Variants in GPHN observed in about 807,000 individuals in gnomAD.
GPHN encodes the protein gephyrin.
Under a neutral mutation model 95.5 loss-of-function variants are expected in GPHN, and 17 were observed. The observed-to-expected ratio is 0.18, with a 90% CI of 0.12 to 0.27. The LOEUF is 0.27. Among genes scored for constraint, GPHN ranks in the 10% least tolerant of loss-of-function variants. GPHN has a pLI of 1.00. For synonymous variants in GPHN, 320 were observed against 322.5 expected (o/e 0.99, Z 0.08); for missense variants, 660 against 978.1 (o/e 0.67, Z 4.34).
At chr14:67,704,284 C>G in the GPHN span, among the ~76,000 whole-genome samples, 4 of 152,148 alleles carry the variant, frequency 2.6e-5, no homozygotes, top group African/African-American at 9.7e-5. Context: ...AAGGAGAAAG[C>G]CTCCTAAATC....
the GPHN span, among the ~76,000 whole-genome samples, chr14:67,427,073 G>A: frequency 1.1e-4 from 16 of 151,846 alleles, no homozygotes; most frequent in African/African-American, 2.2e-4. Context: ...ATTGTGTCGC[G>A]CGGGGGAGGG....
At chr14:66,989,368 A>G (rs2071245380) in intron 9 of GPHN, among the ~76,000 whole-genome samples, 1 of 152,056 alleles carries the variant, frequency 6.6e-6, no homozygotes, top group Non-Finnish European at 1.5e-5. Flanking sequence ...ATCAGTCATG[A>G]GAAGTAATTT....
chr14:67,473,662 C>A, the GPHN span: 1 of 1,580,422 alleles, frequency 6.3e-7, no homozygotes, highest in Non-Finnish European at 8.6e-7. This position sits in a 1 kb window ranked among gnomAD's most constrained non-coding sequence, Gnocchi z 6.5. Context: ...GTGGTGAACT[C>A]CCACAGGTAG....
chr14:67,121,036 T>A (rs957335305), intron 16 of GPHN, among the ~76,000 whole-genome samples: 2 of 152,208 alleles, frequency 1.3e-5, no homozygotes, highest in African/African-American at 2.4e-5. Context: ...GGTTATTGTC[T>A]GGGAGAATTC....
intron 9 of GPHN, among the ~76,000 whole-genome samples, chr14:66,982,977 A>T (rs1189245501): frequency 6.6e-6 from 1 of 152,126 alleles, no homozygotes. Context: ...TTGGCCGGGC[A>T]CGGTGGCTCA....
intron 18 of GPHN, among the ~76,000 whole-genome samples, chr14:67,144,201 C>T (rs1480348999): frequency 2.2e-5 from 3 of 137,170 alleles, no homozygotes; most frequent in African/African-American, 2.8e-5. Flanking sequence ...CACACCACTG[C>T]ACTCCAACCT....
intron 5 of GPHN, among the ~76,000 whole-genome samples, chr14:66,906,410 C>T (rs1052020728): frequency 1.3e-5 from 2 of 152,130 alleles, no homozygotes; most frequent in African/African-American, 4.8e-5. Context: ...GGCTGTTCAC[C>T]TTGATCTCAC....
the GPHN span, chr14:67,726,282 C>T: frequency 1.4e-6 from 1 of 727,500 alleles, no homozygotes; most frequent in Non-Finnish European, 2.5e-6. Context: ...ATAGACTAGA[C>T]CCATTGGCTT....
At chr14:66,988,730 T>C (rs2071195595) in intron 9 of GPHN, among the ~76,000 whole-genome samples, 1 of 152,066 alleles carries the variant, frequency 6.6e-6, no homozygotes, top group Non-Finnish European at 1.5e-5. Flanking sequence ...TTCATGATAG[T>C]ATTTTTTGTG....
At chr14:67,502,120 G>T in the GPHN span, among the ~76,000 whole-genome samples, 2 of 152,092 alleles carry the variant, frequency 1.3e-5, no homozygotes, top group South Asian at 4.1e-4. Flanking sequence ...ATCACCTGAG[G>T]TCGGGAGTTT....
chr14:66,931,141 GT>G lies in GPHN; in HGVS notation c.828+6856del, dbSNP rs1208750108. 3.5e-5 allele frequency among the ~76,000 whole-genome samples: 4 copies of G among 113,750 alleles called. No individual in the cohort carries two copies. The East Asian group carries it at 1.8e-3, about 50-fold the overall frequency. 74.6% of individuals were successfully genotyped at this position (113,750 alleles called of 152,430 possible). ...CAGGATATAATTTTGTAGGATAAAA[GT>G]TTTTTTCCTTCAGCAGTTTAAAATT... On this transcript the variant is annotated intron_variant, in intron 8 of 22. Transcript: ENST00000478722.
At chr14:66,633,360 G>A (rs916527427) in intron 1 of GPHN, among the ~76,000 whole-genome samples, 9 of 152,038 alleles carry the variant, frequency 5.9e-5, no homozygotes, top group Non-Finnish European at 8.8e-5. Flanking sequence ...AACAAAAAGT[G>A]TTTTATTCAA....
At chr14:67,489,459 G>C in the GPHN span, among the ~76,000 whole-genome samples, 1 of 152,206 alleles carries the variant, frequency 6.6e-6, no homozygotes, top group Non-Finnish European at 1.5e-5. Flanking sequence ...TGCAGCTTCT[G>C]GTCAATATGC....
chr14:66,836,141 C>T (rs1270146212), intron 4 of GPHN, among the ~76,000 whole-genome samples: 1 of 131,898 alleles, frequency 7.6e-6, no homozygotes. Context: ...CCAAGTCAAT[C>T]CTAAGCCAAA....
At chr14:67,195,715 GT>G in the GPHN span, among the ~76,000 whole-genome samples, 1 of 6,578 alleles carries the variant, frequency 1.5e-4, no homozygotes, top group Non-Finnish European at 5.2e-4. Flanking sequence ...CTTTTTGGTT[GT>G]GTGTGTGTGT....
Position 66,850,879 on chromosome 14 carries a change from G to A in GPHN, c.294+26313G>A, listed in dbSNP as rs2064777. Reference sequence around the variant, plus strand: ...AACAGAAAGATCTAGATTTTTTAAAGGATAATTTAAATGATAATGAGATTT... The same window carrying A: ...AACAGAAAGATCTAGATTTTTTAAAAGATAATTTAAATGATAATGAGATTT... On this transcript the variant is annotated intron_variant, in intron 4 of 22. Transcript: ENST00000478722. Among the ~76,000 whole-genome samples, 3 of 151,788 alleles carry A rather than the reference G, an allele frequency of 2.0e-5. No individual in the cohort carries two copies. The South Asian group carries it at 6.2e-4, about 31-fold the overall frequency.
intron 1 of GPHN, among the ~76,000 whole-genome samples, chr14:66,668,522 A>G (rs2066102501): frequency 6.6e-6 from 1 of 152,198 alleles, no homozygotes; most frequent in African/African-American, 2.4e-5. Context: ...TTAGCAAAGT[A>G]ACACAGGAGC....
chr14:66,549,598 A>G (rs568679515), intron 1 of GPHN, among the ~76,000 whole-genome samples: 36 of 152,320 alleles, frequency 2.4e-4, no homozygotes, highest in Non-Finnish European at 4.4e-4. Context: ...AGCAAATTAT[A>G]TAGAAAATCT....
At chr14:67,576,592 C>G in the GPHN span, 2 of 676,856 alleles carry the variant, frequency 3.0e-6, no homozygotes, top group Non-Finnish European at 5.2e-6. This position sits in a 1 kb window ranked among gnomAD's most constrained non-coding sequence, Gnocchi z 4.0. Flanking sequence ...AGTGTTGTAC[C>G]CTGAAGCTGT....
Sources: gnomAD v4.1 joint callset for allele counts (sites outside exome capture counted in the v4.1 genomes callset) on GRCh38, gnomAD v4.1.1 for gene constraint, Gnocchi (gnomAD v3.1) non-coding constraint, MANE v1.5 for transcripts, NCBI Gene and HGNC (gene_info 2026-07-23, HGNC 2026-07-21) for gene names.